RAMP3: variants seen among roughly 807,000 people sequenced by gnomAD.
RAMP3 encodes receptor activity-modifying protein 3.
In RAMP3, 14 loss-of-function variants were observed where a neutral mutation model predicts 13.5. That is an observed-to-expected ratio of 1.04 (90% CI 0.69 to 1.63). The LOEUF is 1.63. RAMP3 is among the 40% of genes most tolerant of loss of function. The probability of loss-of-function intolerance (pLI) is 0.00; values close to 1 mark genes in which losing one functional copy is unlikely to be tolerated. For synonymous variants in RAMP3, 106 were observed against 88.3 expected (o/e 1.20, Z -1.12); for missense variants, 200 against 204.8 (o/e 0.98, Z 0.14).
chr7:45,177,362 C>A lies in RAMP3; in HGVS notation c.112C>A (p.Pro38Thr), dbSNP rs753075689. ...CGAGACAGGCATGTTGGAGAGGCTG[C>A]CCCTGTGTGGGAAGGCTTTCGCAGA... is the stretch of plus-strand genomic sequence containing the variant. ...CNETGMLERL[P>T]LCGKAFADMM... Residue 38 changes from proline (P) to threonine (T), a missense_variant, in exon 2 of 3, where the codon CCC (proline) becomes ACC (threonine). Coordinates refer to ENST00000242249, the MANE Select transcript of RAMP3 (RefSeq NM_005856.3). 1 of 1,613,672 alleles carries A rather than the reference C, an allele frequency of 6.2e-7. No individual in the cohort carries two copies. The highest frequency in any genetic ancestry group is 2.2e-5 in the East Asian group (1 of 44,892).
intron 2 of RAMP3, among the ~76,000 whole-genome samples, chr7:45,177,939 T>A (rs773637781): frequency 6.6e-6 from 1 of 151,846 alleles, no homozygotes; most frequent in Non-Finnish European, 1.5e-5. Context: ...GGGGGTGCCC[T>A]GTCTGGGAGG....
chr7:45,177,930 G>A (rs1339834284), intron 2 of RAMP3, among the ~76,000 whole-genome samples: 1 of 152,132 alleles, frequency 6.6e-6, no homozygotes, highest in Non-Finnish European at 1.5e-5. Flanking sequence ...CCCTGGCCTG[G>A]GGGTGCCCTG....
chr7:45,166,999 C>T (rs1785976069), intron 1 of RAMP3, among the ~76,000 whole-genome samples: 2 of 143,100 alleles, frequency 1.4e-5, no homozygotes, highest in South Asian at 4.4e-4. Flanking sequence ...GCCTTGTTGC[C>T]CAGGCTGGAG....
At chr7:45,164,696 A>G (rs545409100) in intron 1 of RAMP3, among the ~76,000 whole-genome samples, 1 of 152,324 alleles carries the variant, frequency 6.6e-6, no homozygotes, top group South Asian at 2.1e-4. Context: ...CCTTTATTGT[A>G]TTGAAAAGAC....
Position 45,183,361 on chromosome 7 carries a change from C to G in RAMP3, c.396C>G (p.Ala132=). The G allele has an allele frequency of 6.2e-7, 1 of 1,613,796 alleles. No homozygotes were observed. Among genetic ancestry groups the G allele is most frequent in the Non-Finnish European group, 8.5e-7 (1 of 1,180,044 alleles). ...LIVIPVVLTV[A]MAGLVVWRSK... ...TTATACCCGTCGTTCTGACTGTCGC[C>G]ATGGCTGGCCTGGTGGTGTGGCGCA... Residue 132 remains alanine (A), a synonymous_variant, in exon 3 of 3, where the codon GCC becomes GCG. Coordinates refer to ENST00000242249, the MANE Select transcript of RAMP3 (RefSeq NM_005856.3).
At chr7:45,176,432 G>T (rs542869410) in intron 1 of RAMP3, among the ~76,000 whole-genome samples, 112 of 150,634 alleles carry the variant, frequency 7.4e-4, no homozygotes, top group African/African-American at 2.4e-3. Context: ...ACAGACAGCA[G>T]GGCTGTGCGT....
chr7:45,159,879 G>C (rs756033761), intron 1 of RAMP3, among the ~76,000 whole-genome samples: 16 of 152,202 alleles, frequency 1.1e-4, no homozygotes, highest in Non-Finnish European at 2.4e-4. Context: ...GAGCACCATA[G>C]TGTGTGTGCC....
rs751476978 is a variant in RAMP3, at chr7:45,183,385, C to T, written c.420C>T (p.Arg140=). 1 of 1,613,154 alleles carries T rather than the reference C, an allele frequency of 6.2e-7. No homozygotes were observed. The highest frequency in any genetic ancestry group is 2.2e-5 in the East Asian group (1 of 44,876). ...CCATGGCTGGCCTGGTGGTGTGGCGCAGCAAACGCACCGACACGCTGCTGT... is the reference window on the plus strand; with the variant it reads ...CCATGGCTGGCCTGGTGGTGTGGCGTAGCAAACGCACCGACACGCTGCTGT... The part of the protein sequence containing the change: ...TVAMAGLVVW[R]SKRTDTLL Residue 140 remains arginine, a synonymous_variant, in exon 3 of 3, where the codon CGC becomes CGT. Transcript: ENST00000242249.
chr7:45,166,006 G>A (rs539173732), intron 1 of RAMP3, among the ~76,000 whole-genome samples: 1 of 152,280 alleles, frequency 6.6e-6, no homozygotes, highest in African/African-American at 2.4e-5. Flanking sequence ...AAATCTGTGT[G>A]TGAACATGTG....
chr7:45,179,518 T>G (rs566649238), intron 2 of RAMP3, among the ~76,000 whole-genome samples: 2 of 152,154 alleles, frequency 1.3e-5, no homozygotes, highest in Non-Finnish European at 2.9e-5. Flanking sequence ...AACAACTATC[T>G]CTCATGTGAT....
chr7:45,181,628 C>T (rs77233215), intron 2 of RAMP3, among the ~76,000 whole-genome samples: 4,306 of 152,248 alleles, frequency 0.028, 214 homozygotes, highest in African/African-American at 0.098. Flanking sequence ...TGTTGTTAGA[C>T]GGCTCCCCAG....
chr7:45,176,167 T>TGCGG (rs1786182146), intron 1 of RAMP3, among the ~76,000 whole-genome samples: 1 of 152,138 alleles, frequency 6.6e-6, no homozygotes, highest in Admixed American at 6.5e-5. Context: ...TCCCTCATCT[T>TGCGG]GCGGATGGGG....
chr7:45,171,487 G>A (rs13242575), intron 1 of RAMP3, among the ~76,000 whole-genome samples: 39,980 of 151,910 alleles, frequency 0.26, 6,383 homozygotes, highest in African/African-American at 0.44. Context: ...ATTCCATTGT[G>A]GTCAGAGGAC....
At chr7:45,177,287 C>A in intron 1 of RAMP3, 22 bp from the exon 2 acceptor site, 2 of 1,613,834 alleles carry the variant, frequency 1.2e-6, no homozygotes, top group Non-Finnish European at 1.7e-6. Flanking sequence ...TAGTGGAATT[C>A]TTATGGCTGT....
chr7:45,179,050 C>T (rs1057146805), intron 2 of RAMP3, among the ~76,000 whole-genome samples: 1 of 152,212 alleles, frequency 6.6e-6, no homozygotes, highest in East Asian at 1.9e-4. Context: ...CTCCTCCACC[C>T]CAGCTGGACA....
chr7:45,180,059 T>C (rs531385778), intron 2 of RAMP3, among the ~76,000 whole-genome samples: 24 of 152,388 alleles, frequency 1.6e-4, no homozygotes, highest in Admixed American at 1.2e-3. Flanking sequence ...ACGAAAATAC[T>C]GTCAGACGTG....
At position 45,157,856 on chromosome 7, in the gene RAMP3, C is replaced by A. The variant is rs1302566939; in HGVS notation, c.28C>A (p.Gln10Lys). Residue 10 changes from glutamine to lysine, a missense_variant, in exon 1 of 3, where the codon CAA becomes AAA. Coordinates refer to ENST00000242249, the MANE Select transcript of RAMP3 (RefSeq NM_005856.3). ...GGAGACTGGAGCGCTGCGGCGCCCG[C>A]AACTTCTCCCGTTGCTGCTGCTGCT... METGALRRP[Q>K]LLPLLLLLCG... 1.4e-6 allele frequency: 2 copies of A among 1,416,998 alleles called. No homozygotes were observed. Among genetic ancestry groups the A allele is most frequent in the Non-Finnish European group, 1.8e-6 (2 of 1,094,552 alleles). The allele number at this position is 1,416,998 out of a possible 1,614,324, so 87.8% of individuals were successfully genotyped here. A position where few individuals can be genotyped will look rare whatever the true frequency, so the allele number is the denominator to read the frequency against.
intron 1 of RAMP3, among the ~76,000 whole-genome samples, chr7:45,158,670 G>C (rs1364689348): frequency 6.6e-6 from 1 of 152,214 alleles, no homozygotes. Context: ...CCAGTTCTGG[G>C]GGGGACATTG....
intron 1 of RAMP3, among the ~76,000 whole-genome samples, chr7:45,161,374 G>A (rs558921199): frequency 1.3e-5 from 2 of 152,212 alleles, no homozygotes; most frequent in South Asian, 4.1e-4. Flanking sequence ...AGGGGCTCAG[G>A]GAGAATAATA....
Sources: gnomAD v4.1 joint callset for allele counts (sites outside exome capture counted in the v4.1 genomes callset) on GRCh38, gnomAD v4.1.1 for gene constraint, MANE v1.5 for transcripts, NCBI Gene and HGNC (gene_info 2026-07-23, HGNC 2026-07-21) for gene names.